MAPKAP1: variants seen among roughly 807,000 people sequenced by gnomAD.
MAPKAP1 encodes the protein MAPK associated protein 1.
A neutral mutation model predicts 65.7 loss-of-function variants in MAPKAP1; 20 were observed. The ratio of observed to expected loss-of-function variants is 0.30; its 90% CI spans 0.21 to 0.44. The LOEUF is 0.44. MAPKAP1 is among the 20% of genes least tolerant of loss of function. MAPKAP1 has a pLI of 1.00. For synonymous variants in MAPKAP1, 222 were observed against 244.3 expected (o/e 0.91, Z 0.85); for missense variants, 423 against 648.0 (o/e 0.65, Z 3.77).
At chr9:125,596,446 A>G in intron 4 of MAPKAP1, 1 of 769,442 alleles carries the variant, frequency 1.3e-6, no homozygotes, top group Non-Finnish European at 2.3e-6. Context: ...TGGAAGCTAC[A>G]ATGATTCTGG....
chr9:125,625,868 C>T (rs919190939), intron 4 of MAPKAP1, among the ~76,000 whole-genome samples: 39 of 152,118 alleles, frequency 2.6e-4, no homozygotes, highest in African/African-American at 8.9e-4. Context: ...GCTTACAAAA[C>T]GTTTTATTTT....
intron 1 of MAPKAP1, among the ~76,000 whole-genome samples, chr9:125,686,091 C>T (rs1834965212): frequency 6.6e-6 from 1 of 152,010 alleles, no homozygotes; most frequent in South Asian, 2.1e-4. Context: ...CTGAGGTGGG[C>T]AGAACACAAG....
intron 8 of MAPKAP1, among the ~76,000 whole-genome samples, chr9:125,496,225 A>T (rs1317516199): frequency 6.6e-6 from 1 of 152,204 alleles, no homozygotes; most frequent in African/African-American, 2.4e-5. Context: ...ACTCACAGGT[A>T]TGTGGCGAAT....
intron 3 of MAPKAP1, among the ~76,000 whole-genome samples, chr9:125,668,865 A>T (rs1834416189): frequency 6.6e-6 from 1 of 152,236 alleles, no homozygotes; most frequent in Non-Finnish European, 1.5e-5. Flanking sequence ...TGCCAAGAGA[A>T]ATCTGTAACC....
chr9:125,550,807 A>G (rs1589279832), intron 6 of MAPKAP1, among the ~76,000 whole-genome samples: 1 of 152,266 alleles, frequency 6.6e-6, no homozygotes, highest in East Asian at 1.9e-4. Context: ...ATGTTTGCTA[A>G]TACAACAGAA....
At chr9:125,526,769 T>TC (rs1829780901) in intron 7 of MAPKAP1, among the ~76,000 whole-genome samples, 2 of 146,816 alleles carry the variant, frequency 1.4e-5, no homozygotes, top group Admixed American at 6.7e-5. Flanking sequence ...TATATATAGT[T>TC]TTCTTTTTTC....
chr9:125,522,121 G>C (rs1249075477), intron 7 of MAPKAP1, among the ~76,000 whole-genome samples: 1 of 152,230 alleles, frequency 6.6e-6, no homozygotes, highest in Non-Finnish European at 1.5e-5. Flanking sequence ...AGGGGCTCTA[G>C]CCCAGGGTGG....
At chr9:125,641,596 A>C (rs1446234835) in intron 4 of MAPKAP1, among the ~76,000 whole-genome samples, 1 of 152,178 alleles carries the variant, frequency 6.6e-6, no homozygotes. Flanking sequence ...GGGAGAAAAA[A>C]AAGTTACTGG....
chr9:125,585,840 ACTGTGACCATGGAATGGTC>A, intron 4 of MAPKAP1, 113 bp from the exon 5 acceptor site: 1 of 991,976 alleles, frequency 1.0e-6, no homozygotes. Flanking sequence ...CTACAGACCT[ACTGTGACCATGGAATGGTC>A]CCAAAGTGGA....
At chr9:125,540,281 G>A (rs1370827834) in intron 7 of MAPKAP1, among the ~76,000 whole-genome samples, 1 of 152,162 alleles carries the variant, frequency 6.6e-6, no homozygotes, top group Non-Finnish European at 1.5e-5. Flanking sequence ...ACTGCCATTA[G>A]GCCTACATTT....
At chr9:125,673,454 G>A (rs1031860557) in intron 1 of MAPKAP1, among the ~76,000 whole-genome samples, 2 of 152,124 alleles carry the variant, frequency 1.3e-5, no homozygotes, top group Non-Finnish European at 2.9e-5. Flanking sequence ...TCAAACTCCC[G>A]ACCTCAGTTG....
At chr9:125,489,470 T>A (rs550848471) in intron 8 of MAPKAP1, among the ~76,000 whole-genome samples, 68 of 152,302 alleles carry the variant, frequency 4.5e-4, no homozygotes, top group African/African-American at 1.6e-3. Context: ...AACTCAAAGA[T>A]GTATTGTGAT....
At chr9:125,494,373 C>T (rs1854857550) in intron 8 of MAPKAP1, among the ~76,000 whole-genome samples, 1 of 152,166 alleles carries the variant, frequency 6.6e-6, no homozygotes, top group Non-Finnish European at 1.5e-5. Flanking sequence ...GTAGGATATA[C>T]CCTTCACTAG....
chr9:125,531,196 T>C (rs1829923694), intron 7 of MAPKAP1, among the ~76,000 whole-genome samples: 1 of 152,208 alleles, frequency 6.6e-6, no homozygotes, highest in Non-Finnish European at 1.5e-5. Context: ...CACTGAGCCG[T>C]GGGCCCCGTA....
intron 10 of MAPKAP1, among the ~76,000 whole-genome samples, chr9:125,458,022 G>A (rs1419085290): frequency 1.3e-5 from 2 of 152,080 alleles, no homozygotes; most frequent in Non-Finnish European, 2.9e-5. Flanking sequence ...CTCTTCCTGC[G>A]AAAATCTGGA....
chr9:125,464,783 C>T (rs1339130903), intron 10 of MAPKAP1, among the ~76,000 whole-genome samples: 1 of 152,198 alleles, frequency 6.6e-6, no homozygotes, highest in Non-Finnish European at 1.5e-5. Context: ...CCTGCAGCCG[C>T]TCAAATGCTC....
At position 125,622,951 on chromosome 9, in the gene MAPKAP1, C is replaced by T. The variant is rs1224048508; in HGVS notation, c.498+34700G>A. 3.3e-5 allele frequency among the ~76,000 whole-genome samples: 5 copies of T among 152,148 alleles called. No homozygotes were observed. In the South Asian group the frequency reaches 1.0e-3, roughly 31 times the overall value. On this transcript the variant is annotated intron_variant, in intron 4 of 11. Coordinates refer to ENST00000265960, the MANE Select transcript of MAPKAP1 (RefSeq NM_001006617.3). Reference sequence around the variant, plus strand: ...TCTGCCGAATGCCTGCGATTGCAGGCACGCGCCGCCACACCTGATTGGTTT... The same window carrying T: ...TCTGCCGAATGCCTGCGATTGCAGGTACGCGCCGCCACACCTGATTGGTTT...
At chr9:125,473,270 GCC>G (rs1853992029) in intron 9 of MAPKAP1, among the ~76,000 whole-genome samples, 1 of 152,018 alleles carries the variant, frequency 6.6e-6, no homozygotes, top group Non-Finnish European at 1.5e-5. Flanking sequence ...ACGGGGGCTG[GCC>G]GGGAGCAGCC....
chr9:125,684,235 G>A (rs1419266086), intron 1 of MAPKAP1, among the ~76,000 whole-genome samples: 1 of 152,148 alleles, frequency 6.6e-6, no homozygotes, highest in Non-Finnish European at 1.5e-5. Context: ...TAATGTAATG[G>A]TTCAAATGGA....
Sources: allele counts gnomAD v4.1 joint callset (sites outside exome capture counted in the v4.1 genomes callset), GRCh38; gene constraint gnomAD v4.1.1; transcripts MANE v1.5; gene names NCBI Gene and HGNC (gene_info 2026-07-23, HGNC 2026-07-21).